The following ONECUT1 variants were observed in gnomAD, a reference collection of about 807,000 sequenced individuals.
ONECUT1 encodes one cut homeobox 1.
In ONECUT1, 12 loss-of-function variants were observed where a neutral mutation model predicts 25.6. That is an observed-to-expected ratio of 0.47 (90% CI 0.30 to 0.76). The LOEUF is 0.76. Ranked by LOEUF, ONECUT1 falls within the 30% of genes least tolerant of loss-of-function variation. ONECUT1 has a pLI of 0.07. For missense variants in ONECUT1, 620 were observed against 651.2 expected (o/e 0.95, Z 0.52); for synonymous variants, 285 against 270.2 (o/e 1.05, Z -0.54).
intron 1 of ONECUT1, among the ~76,000 whole-genome samples, chr15:52,759,789 TA>T (rs1468643781): frequency 1.3e-5 from 2 of 151,308 alleles, no homozygotes; most frequent in Non-Finnish European, 2.9e-5. Context: ...TTTTTTTTTT[TA>T]TAGAGATGGG....
At chr15:52,770,647 T>G (rs2083761760) in intron 1 of ONECUT1, among the ~76,000 whole-genome samples, 1 of 152,194 alleles carries the variant, frequency 6.6e-6, no homozygotes, top group South Asian at 2.1e-4. Context: ...ACCTACTGTC[T>G]CTGAGAGTGA....
chr15:52,789,696 G>A lies in ONECUT1; in HGVS notation c.189C>T (p.Ser63=), dbSNP rs1379943643. The change falls in exon 1 of 2, where the codon AGC becomes AGT. Residue 63 remains serine (S), a synonymous_variant. Coordinates refer to ENST00000305901, the MANE Select transcript of ONECUT1 (RefSeq NM_004498.4). This position sits in a 1 kb window ranked among gnomAD's most constrained non-coding sequence, Gnocchi z 4.1. ...GGTGGTGGTGGTAATCTCCGCCGCC[G>A]CTGCCGCCGTCCAGCAGGGACGCCA... The part of the protein sequence containing the change: ...MGMASLLDGG[S]GGGDYHHHHR... 8.0e-6 allele frequency: 12 copies of A among 1,493,168 alleles called. No homozygotes were observed. Among genetic ancestry groups the A allele is most frequent in the Non-Finnish European group, 9.7e-6 (11 of 1,128,626 alleles). The allele number at this position is 1,493,168 out of a possible 1,614,324, so 92.5% of individuals were successfully genotyped here. A position where few individuals can be genotyped will look rare whatever the true frequency, so the allele number is the denominator to read the frequency against.
chr15:52,779,489 T>A (rs907097528), intron 1 of ONECUT1, among the ~76,000 whole-genome samples: 2 of 152,184 alleles, frequency 1.3e-5, no homozygotes, highest in Non-Finnish European at 2.9e-5. Flanking sequence ...TTCGATGGGA[T>A]AAAGAAACCA....
At chr15:52,780,841 G>A in intron 1 of ONECUT1, 1 of 1,332,026 alleles carries the variant, frequency 7.5e-7, no homozygotes, top group Non-Finnish European at 9.6e-7. Context: ...CACCAGATGT[G>A]AAAACGAAAG....
intron 1 of ONECUT1, among the ~76,000 whole-genome samples, chr15:52,775,086 A>G (rs1322810277): frequency 2.0e-5 from 3 of 151,580 alleles, no homozygotes; most frequent in Non-Finnish European, 4.4e-5. Context: ...GCTACTCGGG[A>G]GGCTGAGGCA....
intron 1 of ONECUT1, among the ~76,000 whole-genome samples, chr15:52,773,244 A>AAGAGAGAGAGAGAGAAAG (rs2141454711): frequency 6.6e-6 from 1 of 150,472 alleles, no homozygotes; most frequent in African/African-American, 2.4e-5. Context: ...GAGAGAGAGA[A>AAGAGAGAGAGAGAGAAAG]AGAGAGAGAG....
rs1371298469 is a variant in ONECUT1, at chr15:52,755,998, CA to C, written c.*1556del. On this transcript the variant is annotated 3_prime_UTR_variant, in exon 2 of 2. Coordinates refer to ENST00000305901, the MANE Select transcript of ONECUT1 (RefSeq NM_004498.4). Reference sequence around the variant, plus strand: ...TTTTTAATCTGTCCCTGTTAGAGAGCAAAATCTATATTATAAAATTTCCAGC... The same window carrying C: ...TTTTTAATCTGTCCCTGTTAGAGAGCAAATCTATATTATAAAATTTCCAGC... 1.3e-5 allele frequency among the ~76,000 whole-genome samples: 2 copies of C among 152,056 alleles called. No homozygotes were observed. Among genetic ancestry groups the C allele is most frequent in the Non-Finnish European group, 2.9e-5 (2 of 68,002 alleles).
chr15:52,768,136 G>A (rs981494388), intron 1 of ONECUT1, among the ~76,000 whole-genome samples: 1 of 152,006 alleles, frequency 6.6e-6, no homozygotes, highest in Non-Finnish European at 1.5e-5. Flanking sequence ...GCACTATAGG[G>A]TGACTACAGT....
At chr15:52,759,480 A>T (rs2083692884) in intron 1 of ONECUT1, among the ~76,000 whole-genome samples, 1 of 152,236 alleles carries the variant, frequency 6.6e-6, no homozygotes, top group Non-Finnish European at 1.5e-5. Context: ...CCAATTTTTT[A>T]AAACAATGTG....
chr15:52,780,058 C>A (rs1034457751), intron 1 of ONECUT1, among the ~76,000 whole-genome samples: 3 of 152,208 alleles, frequency 2.0e-5, no homozygotes, highest in Non-Finnish European at 4.4e-5. Context: ...AATTCTCTTC[C>A]TCCCTATCCC....
At chr15:52,775,491 A>ACT (rs2083794207) in intron 1 of ONECUT1, among the ~76,000 whole-genome samples, 1 of 149,812 alleles carries the variant, frequency 6.7e-6, no homozygotes, top group African/African-American at 2.5e-5. Flanking sequence ...ACACACACAC[A>ACT]CTCTTAAAGA....
chr15:52,759,210 C>G (rs7165717), intron 1 of ONECUT1, among the ~76,000 whole-genome samples: 2 of 152,086 alleles, frequency 1.3e-5, no homozygotes, highest in Non-Finnish European at 2.9e-5. Context: ...TGCTGCCTTC[C>G]GCTTCACTGT....
chr15:52,774,488 C>T (rs967469060), intron 1 of ONECUT1, among the ~76,000 whole-genome samples: 5 of 152,132 alleles, frequency 3.3e-5, no homozygotes, highest in South Asian at 2.1e-4. Flanking sequence ...TTAGTAGAGA[C>T]GGGGTTTCAC....
chr15:52,759,284 C>T (rs913927432), intron 1 of ONECUT1, among the ~76,000 whole-genome samples: 11 of 152,164 alleles, frequency 7.2e-5, no homozygotes, highest in African/African-American at 2.7e-4. Context: ...TGGCTAGATT[C>T]AGCCTCTGTG....
intron 1 of ONECUT1, among the ~76,000 whole-genome samples, chr15:52,760,001 C>T (rs956289956): frequency 1.3e-5 from 2 of 152,176 alleles, no homozygotes; most frequent in Non-Finnish European, 2.9e-5. Flanking sequence ...ATTCACCCTA[C>T]TTACGGGGCC....
At chr15:52,777,737 C>CACACACACAAAAAAAAAAAAA (rs57187579) in intron 1 of ONECUT1, among the ~76,000 whole-genome samples, 1 of 103,450 alleles carries the variant, frequency 9.7e-6, no homozygotes, top group African/African-American at 4.4e-5. Context: ...CACACACACA[C>CACACACACAAAAAAAAAAAAA]AAAAAAACAT....
At chr15:52,777,737 C>CACACACACACAAAA (rs57187579) in intron 1 of ONECUT1, among the ~76,000 whole-genome samples, 1 of 103,450 alleles carries the variant, frequency 9.7e-6, no homozygotes, top group African/African-American at 4.4e-5. Context: ...CACACACACA[C>CACACACACACAAAA]AAAAAAACAT....
chr15:52,759,743 G>C (rs934763821), intron 1 of ONECUT1, among the ~76,000 whole-genome samples: 1 of 151,504 alleles, frequency 6.6e-6, no homozygotes, highest in African/African-American at 2.4e-5. Flanking sequence ...GGCACTACAG[G>C]TGCGTGCTGC....
At chr15:52,766,374 C>T (rs2083734808) in intron 1 of ONECUT1, among the ~76,000 whole-genome samples, 1 of 152,024 alleles carries the variant, frequency 6.6e-6, no homozygotes, top group Admixed American at 6.6e-5. Context: ...ATCATGGAAA[C>T]TTTCCCCAGG....
Sources: allele counts gnomAD v4.1 joint callset (sites outside exome capture counted in the v4.1 genomes callset), GRCh38; gene constraint gnomAD v4.1.1; non-coding constraint Gnocchi (gnomAD v3.1); transcripts MANE v1.5; gene names NCBI Gene and HGNC (gene_info 2026-07-23, HGNC 2026-07-21).